The following CCND1 variants were observed in gnomAD, a reference collection of about 807,000 sequenced individuals.
CCND1 encodes the protein cyclin D1.
In CCND1, 9 loss-of-function variants were observed where a neutral mutation model predicts 26.1. That is an observed-to-expected ratio of 0.35 (90% confidence interval 0.21 to 0.60). CCND1 has a LOEUF of 0.60. Among genes scored for constraint, CCND1 ranks in the 20% least tolerant of loss-of-function variants. The pLI is 0.79. For missense variants in CCND1, 335 were observed against 392.9 expected (o/e 0.85, Z 1.25); for synonymous variants, 194 against 166.1 (o/e 1.17, Z -1.29).
rs1332520654 is a variant in CCND1, at chr11:69,654,089, T to C, written c.*2807T>C. On this transcript the variant is annotated 3_prime_UTR_variant, in exon 5 of 5. Transcript: ENST00000227507. This position sits in a 1 kb window ranked among gnomAD's most constrained non-coding sequence, Gnocchi z 6.3. ...GGGCCCTGCCCTGGCAGGGTCATCC[T>C]GTGCTCGGAGGCCATCTCGGGCACA... The C allele has an allele frequency of 4.7e-6, 3 of 639,938 alleles. No homozygotes were observed. The highest frequency in any genetic ancestry group is 5.4e-5 in the East Asian group (2 of 36,754). 39.6% of individuals were successfully genotyped at this position (639,938 alleles called of 1,614,324 possible). A position where few individuals can be genotyped will look rare whatever the true frequency, so the allele number is the denominator to read the frequency against.
chr11:69,643,310 G>T, intron 2 of CCND1, 64 bp downstream of exon 2: 1 of 1,374,506 alleles, frequency 7.3e-7, no homozygotes, highest in Non-Finnish European at 1.0e-6. Flanking sequence ...CGGGGCCGGG[G>T]AAGGTGCAGG....
intron 1 of CCND1, among the ~76,000 whole-genome samples, chr11:69,642,284 G>C (rs1009773862): frequency 3.3e-5 from 5 of 152,226 alleles, no homozygotes; most frequent in Non-Finnish European, 7.3e-5. Context: ...TCGGCTTGGA[G>C]GACCTTCTCC....
rs2120081437 is a variant in CCND1 at position 69,641,473 on chromosome 11, C to T, written c.160C>T (p.Pro54Ser). 1 of 1,613,340 alleles carries T rather than the reference C, an allele frequency of 6.2e-7. No individual in the cohort carries two copies. The highest frequency in any genetic ancestry group is 1.1e-5 in the South Asian group (1 of 91,084). ...YFKCVQKEVLPSMRKIVATWM... is the reference protein window; with the variant it reads ...YFKCVQKEVLSSMRKIVATWM... ...CAAATGTGTGCAGAAGGAGGTCCTG[C>T]CGTCCATGCGGAAGATCGTCGCCAC... Residue 54 changes from proline to serine, a missense_variant, in exon 1 of 5, where the codon CCG becomes TCG. Physicochemically the swap from Pro to Ser is moderately conservative, Grantham distance 74. Coordinates refer to ENST00000227507, the MANE Select transcript of CCND1 (RefSeq NM_053056.3).
At chr11:69,644,195 C>T (rs544262268) in intron 3 of CCND1, 5 of 610,252 alleles carry the variant, frequency 8.2e-6, no homozygotes, top group Admixed American at 2.6e-5. Flanking sequence ...TGCTCCCTCA[C>T]GGCCACCATG....
Position 69,652,383 on chromosome 11 carries a change from T to TA in CCND1, c.*1102dup, listed in dbSNP as rs1399752490. ...GTTTTCTAATGGAATGGTTTGGGAA[T>TA]ATCCATGTACTTGTTTGCAAGCAGG... On this transcript the variant is annotated 3_prime_UTR_variant, in exon 5 of 5. Coordinates refer to ENST00000227507, the MANE Select transcript of CCND1 (RefSeq NM_053056.3). The TA allele has an allele frequency of 4.3e-6, 1 of 233,610 alleles. No individual in the cohort carries two copies. The highest frequency in any genetic ancestry group is 8.5e-6 in the Non-Finnish European group (1 of 118,088). The allele number at this position is 233,610 out of a possible 1,614,324, so 14.5% of individuals were successfully genotyped here.
intron 3 of CCND1, among the ~76,000 whole-genome samples, chr11:69,645,661 C>T (rs1855768869): frequency 6.6e-6 from 1 of 152,212 alleles, no homozygotes; most frequent in South Asian, 2.1e-4. Flanking sequence ...CTTGTTCCTG[C>T]TGGACATCTG....
intron 3 of CCND1, among the ~76,000 whole-genome samples, chr11:69,645,577 G>A (rs1044659197): frequency 1.3e-5 from 2 of 152,198 alleles, no homozygotes; most frequent in African/African-American, 4.8e-5. Context: ...AGGAGACCAG[G>A]GGACCCACCC....
intron 3 of CCND1, 102 bp downstream of exon 3, chr11:69,644,093 G>C: frequency 8.6e-7 from 1 of 1,159,892 alleles, no homozygotes; most frequent in South Asian, 1.3e-5. Context: ...CTGGGAAGAT[G>C]TCCCCAGACC....
chr11:69,648,058 A>G lies in CCND1; in HGVS notation c.639A>G (p.Gln213=), dbSNP rs780372895. 14 of 1,613,842 alleles carry G rather than the reference A, an allele frequency of 8.7e-6. No individual in the cohort carries two copies. In the Admixed American group the frequency reaches 1.0e-4, roughly 12 times the overall value. ...CGGGGAGCGTGGTGGCCGCAGTGCAAGGCCTGAACCTGAGGAGCCCCAACA... is the reference window on the plus strand; with the variant it reads ...CGGGGAGCGTGGTGGCCGCAGTGCAGGGCCTGAACCTGAGGAGCCCCAACA... ...VAAGSVVAAV[Q]GLNLRSPNNF... is the part of the protein sequence containing the mutation. Residue 213 remains glutamine (Q), a synonymous_variant, in exon 4 of 5, where the codon CAA becomes CAG. Transcript: ENST00000227507.
At chr11:69,648,168 G>C (rs1855809426) in intron 4 of CCND1, 26 bp downstream of exon 4, 1 of 1,612,388 alleles carries the variant, frequency 6.2e-7, no homozygotes. Flanking sequence ...GTCCCAGGCA[G>C]CCTTGCCGGG....
At position 69,652,528 on chromosome 11, in the gene CCND1, C is replaced by T. The variant is rs1471071051; in HGVS notation, c.*1246C>T. 3 of 233,148 alleles carry T rather than the reference C, an allele frequency of 1.3e-5. No homozygotes were observed. The highest frequency in any genetic ancestry group is 6.6e-5 in the African/African-American group (3 of 45,312). 14.4% of individuals were successfully genotyped at this position (233,148 alleles called of 1,614,324 possible). ...CATTGCCAGGATGATAAGTTCCTTT[C>T]CTTTTCTTTAAAGAAGTTGAAGTTT... On this transcript the variant is annotated 3_prime_UTR_variant, in exon 5 of 5. Coordinates refer to ENST00000227507, the MANE Select transcript of CCND1 (RefSeq NM_053056.3).
intron 3 of CCND1, among the ~76,000 whole-genome samples, chr11:69,645,485 G>C (rs1855766723): frequency 6.6e-6 from 1 of 152,194 alleles, no homozygotes; most frequent in Non-Finnish European, 1.5e-5. Context: ...GGGTGAAGGA[G>C]GAGGGACACT....
At chr11:69,650,820 C>T (rs207471996) in intron 4 of CCND1, among the ~76,000 whole-genome samples, 1 of 150,202 alleles carries the variant, frequency 6.7e-6, no homozygotes. Context: ...GGTGAAGGCG[C>T]TGTTGGACAT....
Position 69,654,418 on chromosome 11 carries a change from C to T in CCND1, c.*3136C>T. ...CACCAACATGTAACCGGCATGTTTCCAGCAGAAGACAAAAAGACAAACATG... is the reference window on the plus strand; with the variant it reads ...CACCAACATGTAACCGGCATGTTTCTAGCAGAAGACAAAAAGACAAACATG... On this transcript the variant is annotated 3_prime_UTR_variant, in exon 5 of 5. Transcript: ENST00000227507. This position sits in a 1 kb window ranked among gnomAD's most constrained non-coding sequence, Gnocchi z 6.3. The T allele has an allele frequency of 1.5e-6, 1 of 688,020 alleles. No homozygotes were observed. The highest frequency in any genetic ancestry group is 2.7e-6 in the Non-Finnish European group (1 of 376,226). 42.6% of individuals were successfully genotyped at this position (688,020 alleles called of 1,614,324 possible).
chr11:69,653,157 G>C lies in CCND1; in HGVS notation c.*1875G>C, dbSNP rs557610582. 5 of 619,564 alleles carry C rather than the reference G, an allele frequency of 8.1e-6. No individual in the cohort carries two copies. The African/African-American group carries it at 9.2e-5, about 11-fold the overall frequency. 38.4% of individuals were successfully genotyped at this position (619,564 alleles called of 1,614,324 possible). ...GAGGCTGACGTGTGAGGGAGGACAG[G>C]CGGGAGGAGGTGTGAGGAGGAGGCT... On this transcript the variant is annotated 3_prime_UTR_variant, in exon 5 of 5. Transcript: ENST00000227507.
chr11:69,654,120 A>AC lies in CCND1; in HGVS notation c.*2842dup. The AC allele has an allele frequency of 4.4e-6, 2 of 458,694 alleles. No individual in the cohort carries two copies. The highest frequency in any genetic ancestry group is 4.1e-6 in the Non-Finnish European group (1 of 241,276). 28.4% of individuals were successfully genotyped at this position (458,694 alleles called of 1,614,324 possible). On this transcript the variant is annotated 3_prime_UTR_variant, in exon 5 of 5. Transcript: ENST00000227507. This position sits in a 1 kb window ranked among gnomAD's most constrained non-coding sequence, Gnocchi z 6.3. ...CGGAGGCCATCTCGGGCACAGGCCCACCCCGCCCCACCCCTCCAGAACACG... is the reference window on the plus strand; with the variant it reads ...CGGAGGCCATCTCGGGCACAGGCCCACCCCCGCCCCACCCCTCCAGAACACG...
At position 69,653,579 on chromosome 11, in the gene CCND1, C is replaced by T; in HGVS notation, c.*2297C>T. On this transcript the variant is annotated 3_prime_UTR_variant, in exon 5 of 5. Coordinates refer to ENST00000227507, the MANE Select transcript of CCND1 (RefSeq NM_053056.3). ...GGGCAGACACGCGGGCGCGATCCCA[C>T]ACAGGCTGGCGGGGGCCGGCCCCGA... 5.7e-6 allele frequency: 3 copies of T among 522,930 alleles called. No individual in the cohort carries two copies. The highest frequency in any genetic ancestry group is 3.4e-6 in the Non-Finnish European group (1 of 297,686). The allele number at this position is 522,930 out of a possible 1,614,324, so 32.4% of individuals were successfully genotyped here. A position where few individuals can be genotyped will look rare whatever the true frequency, so the allele number is the denominator to read the frequency against.
chr11:69,643,909 C>T lies in CCND1; in HGVS notation c.492C>T (p.Phe164=), dbSNP rs200535370. Residue 164 remains phenylalanine, a synonymous_variant, in exon 3 of 5, where the codon TTC becomes TTT. Coordinates refer to ENST00000227507, the MANE Select transcript of CCND1 (RefSeq NM_053056.3). ...CCCCGCACGATTTCATTGAACACTT[C>T]CTCTCCAAAATGCCAGAGGCGGAGG... ...AMTPHDFIEH[F]LSKMPEAEEN... 7.9e-5 allele frequency: 128 copies of T among 1,613,688 alleles called. No individual in the cohort carries two copies. In the East Asian group the frequency reaches 9.8e-4, roughly 12 times the overall value.
Position 69,653,764 on chromosome 11 carries a change from G to A in CCND1, c.*2482G>A, listed in dbSNP as rs1855886463. On this transcript the variant is annotated 3_prime_UTR_variant, in exon 5 of 5. Transcript: ENST00000227507. ...TTCTTTGCGTGTAGCTATGGAAGTT[G>A]CATAATTATTATTATTATTATTATA... is the stretch of plus-strand genomic sequence containing the variant. 2 of 285,722 alleles carry A rather than the reference G, an allele frequency of 7.0e-6. No homozygotes were observed. Among genetic ancestry groups the A allele is most frequent in the Non-Finnish European group, 1.3e-5 (2 of 151,568 alleles). The allele number at this position is 285,722 out of a possible 1,614,324, so 17.7% of individuals were successfully genotyped here. A position where few individuals can be genotyped will look rare whatever the true frequency, so the allele number is the denominator to read the frequency against.
Sources: gnomAD v4.1 joint callset for allele counts (sites outside exome capture counted in the v4.1 genomes callset) on GRCh38, gnomAD v4.1.1 for gene constraint, Gnocchi (gnomAD v3.1) non-coding constraint, MANE v1.5 for transcripts, NCBI Gene and HGNC (gene_info 2026-07-23, HGNC 2026-07-21) for gene names.